EPHA5: variants seen among roughly 807,000 people sequenced by gnomAD.
The protein encoded by EPHA5 is EPH receptor A5, also known as ephrin type-A receptor 5.
A neutral mutation model predicts 105.0 loss-of-function variants in EPHA5; 60 were observed. That is an observed-to-expected ratio of 0.57 (90% CI 0.46 to 0.71). The LOEUF is 0.71. Among genes scored for constraint, EPHA5 ranks in the 30% least tolerant of loss-of-function variants. EPHA5 has a pLI of 0.00. For missense variants in EPHA5, 1,218 were observed against 1,274.7 expected (o/e 0.96, Z 0.68); for synonymous variants, 513 against 449.1 (o/e 1.14, Z -1.80).
chr4:65,590,792 A>G (rs1328146562), intron 3 of EPHA5, among the ~76,000 whole-genome samples: 4 of 152,146 alleles, frequency 2.6e-5, no homozygotes, highest in African/African-American at 9.6e-5. Context: ...TGAAGCACAA[A>G]ACATTTAGCA....
At chr4:65,447,118 C>G (rs1257781494) in intron 5 of EPHA5, among the ~76,000 whole-genome samples, 1 of 151,438 alleles carries the variant, frequency 6.6e-6, no homozygotes, top group Non-Finnish European at 1.5e-5. Flanking sequence ...TCCCAAGTAG[C>G]TAGGATCACA....
intron 14 of EPHA5, 142 bp downstream of exon 14, chr4:65,347,912 C>A (rs1722374108): frequency 2.4e-6 from 2 of 820,400 alleles, no homozygotes. Context: ...GATATTTCAA[C>A]AACACAAAAC....
At chr4:65,383,862 T>C (rs1719824545) in intron 8 of EPHA5, among the ~76,000 whole-genome samples, 2 of 151,876 alleles carry the variant, frequency 1.3e-5, no homozygotes, top group South Asian at 4.1e-4. Context: ...ACATAAAAAA[T>C]ATATATGATA....
intron 3 of EPHA5, among the ~76,000 whole-genome samples, chr4:65,578,454 C>T (rs1741284293): frequency 6.6e-6 from 1 of 152,134 alleles, no homozygotes; most frequent in Non-Finnish European, 1.5e-5. Flanking sequence ...TGGACCATCC[C>T]AGTCACCAGA....
chr4:65,633,070 T>G (rs1026307576), intron 2 of EPHA5, among the ~76,000 whole-genome samples: 3 of 151,900 alleles, frequency 2.0e-5, no homozygotes, highest in Admixed American at 2.0e-4. Flanking sequence ...GGTTGAGCAG[T>G]TTGGGACGTC....
chr4:65,504,949 A>C (rs916645410), intron 3 of EPHA5, among the ~76,000 whole-genome samples: 4 of 152,016 alleles, frequency 2.6e-5, no homozygotes, highest in Non-Finnish European at 5.9e-5. Flanking sequence ...TAAGATGCTA[A>C]GCAGTTCTTC....
intron 3 of EPHA5, among the ~76,000 whole-genome samples, chr4:65,544,842 A>C (rs1737217439): frequency 6.6e-6 from 1 of 151,960 alleles, no homozygotes; most frequent in Admixed American, 6.6e-5. Flanking sequence ...CATCATTCAT[A>C]GACTGGATAA....
intron 3 of EPHA5, among the ~76,000 whole-genome samples, chr4:65,497,387 T>C (rs1732048921): frequency 6.6e-6 from 1 of 152,164 alleles, no homozygotes; most frequent in African/African-American, 2.4e-5. Flanking sequence ...AAAGCCTTAA[T>C]GCTCTTATAA....
chr4:65,610,518 A>G (rs1744670262), intron 2 of EPHA5, among the ~76,000 whole-genome samples: 1 of 152,140 alleles, frequency 6.6e-6, no homozygotes, highest in African/African-American at 2.4e-5. Context: ...AGAACCTAAA[A>G]TAAAAATAGA....
In EPHA5 at chr4:65,604,728, T is replaced by TAA. The variant is rs11374403; in HGVS notation, c.247-2426_247-2425dup. 6.0e-4 allele frequency among the ~76,000 whole-genome samples: 87 copies of TAA among 144,060 alleles called. 1 individual carries two copies. The highest frequency in any genetic ancestry group is 3.6e-3 in the Middle Eastern group (1 of 280). 94.5% of individuals were successfully genotyped at this position (144,060 alleles called of 152,430 possible). Reference sequence around the variant, plus strand: ...CTGTCCTCAGCAAAAATCAGGTATGTAAAAAAAAAAAAACCAAGAGGATGA... The same window carrying TAA: ...CTGTCCTCAGCAAAAATCAGGTATGTAAAAAAAAAAAAAAACCAAGAGGATGA... On this transcript the variant is annotated intron_variant, in intron 2 of 16. Transcript: ENST00000613740.
intron 15 of EPHA5, among the ~76,000 whole-genome samples, chr4:65,333,306 A>C (rs1469091339): frequency 6.6e-6 from 1 of 151,716 alleles, no homozygotes; most frequent in Non-Finnish European, 1.5e-5. Flanking sequence ...CATTCCATTT[A>C]CCCTTGAGTA....
chr4:65,543,587 T>C (rs370005588), intron 3 of EPHA5, among the ~76,000 whole-genome samples: 9 of 151,866 alleles, frequency 5.9e-5, no homozygotes, highest in Non-Finnish European at 1.0e-4. Context: ...CACAAACAAA[T>C]GGAAAACGTT....
chr4:65,555,524 T>G (rs1295085296), intron 3 of EPHA5, among the ~76,000 whole-genome samples: 1 of 151,132 alleles, frequency 6.6e-6, no homozygotes. Context: ...GTAACAATCC[T>G]GCATATGTAC....
At chr4:65,637,439 A>G (rs140570494) in intron 2 of EPHA5, among the ~76,000 whole-genome samples, 384 of 151,692 alleles carry the variant, frequency 2.5e-3, no homozygotes, top group African/African-American at 8.3e-3. Flanking sequence ...TATTCAAGCT[A>G]TGAAAGGCTC....
chr4:65,373,517 G>T (rs1200403352), intron 8 of EPHA5, among the ~76,000 whole-genome samples: 2 of 151,780 alleles, frequency 1.3e-5, no homozygotes, highest in African/African-American at 2.4e-5. Context: ...TTAATATAGA[G>T]AAAGGAAAAT....
intron 5 of EPHA5, among the ~76,000 whole-genome samples, chr4:65,446,755 T>C (rs893103877): frequency 2.6e-5 from 4 of 152,140 alleles, no homozygotes; most frequent in Non-Finnish European, 4.4e-5. Context: ...TTGGGGGTCA[T>C]TGTATGATAT....
At chr4:65,553,117 G>C (rs1035378169) in intron 3 of EPHA5, among the ~76,000 whole-genome samples, 10 of 152,048 alleles carry the variant, frequency 6.6e-5, no homozygotes, top group African/African-American at 2.4e-4. Context: ...ATACTTCTCT[G>C]AGTGGGGTAG....
chr4:65,574,655 C>CATAT (rs1462938958), intron 3 of EPHA5, among the ~76,000 whole-genome samples: 7 of 89,296 alleles, frequency 7.8e-5, no homozygotes, highest in African/African-American at 2.9e-4. Context: ...TATATATACA[C>CATAT]ATATATATAT....
chr4:65,502,632 G>T (rs1448633391), intron 3 of EPHA5, among the ~76,000 whole-genome samples: 1 of 151,750 alleles, frequency 6.6e-6, no homozygotes, highest in Admixed American at 6.6e-5. Flanking sequence ...AAAAGGAAAT[G>T]CTTATACACT....
Sources: gnomAD v4.1 joint callset for allele counts (sites outside exome capture counted in the v4.1 genomes callset) on GRCh38, gnomAD v4.1.1 for gene constraint, MANE v1.5 for transcripts, NCBI Gene and HGNC (gene_info 2026-07-23, HGNC 2026-07-21) for gene names.